CSMD1: variants seen among roughly 807,000 people sequenced by gnomAD.
CSMD1 encodes CUB and sushi domain-containing protein 1.
CSMD1 carries 213 observed loss-of-function variants against 417.5 expected under a neutral mutation model. The ratio of observed to expected loss-of-function variants is 0.51; its 90% confidence interval spans 0.46 to 0.57. CSMD1 has a LOEUF of 0.57. Among genes scored for constraint, CSMD1 ranks in the 20% least tolerant of loss-of-function variants. CSMD1 has a pLI of 0.00. For synonymous variants in CSMD1, 2,862 were observed against 1,736.8 expected (o/e 1.65, Z -16.11); for missense variants, 6,923 against 4,529.7 (o/e 1.53, Z -15.17).
At chr8:3,287,154 G>A (rs1222473149) in intron 25 of CSMD1, among the ~76,000 whole-genome samples, 1 of 150,286 alleles carries the variant, frequency 6.7e-6, no homozygotes, top group East Asian at 2.0e-4. Flanking sequence ...CATTATTTCT[G>A]AGGGCTCTGT....
intron 1 of CSMD1, among the ~76,000 whole-genome samples, chr8:4,877,597 C>T (rs1258780118): frequency 6.6e-6 from 1 of 152,062 alleles, no homozygotes; most frequent in Non-Finnish European, 1.5e-5. Context: ...AACCATTTCT[C>T]CCATCTCACT....
chr8:4,407,820 A>G (rs969499754), intron 3 of CSMD1, among the ~76,000 whole-genome samples: 1 of 152,232 alleles, frequency 6.6e-6, no homozygotes, highest in Non-Finnish European at 1.5e-5. Flanking sequence ...GAAGGTTTTG[A>G]ACAAGTGTGA....
intron 23 of CSMD1, among the ~76,000 whole-genome samples, chr8:3,314,371 T>G (rs916816106): frequency 2.0e-5 from 3 of 152,226 alleles, no homozygotes; most frequent in African/African-American, 7.2e-5. Context: ...TGATCAATTT[T>G]AAGCCTGCTG....
chr8:4,438,563 C>G (rs560193537), intron 2 of CSMD1, among the ~76,000 whole-genome samples: 4 of 152,144 alleles, frequency 2.6e-5, no homozygotes, highest in Non-Finnish European at 5.9e-5. Context: ...TCTAAGCTGA[C>G]GGGAGTGTGG....
At chr8:4,412,832 C>T (rs1435365442) in intron 3 of CSMD1, among the ~76,000 whole-genome samples, 4 of 152,000 alleles carry the variant, frequency 2.6e-5, no homozygotes, top group Non-Finnish European at 5.9e-5. Flanking sequence ...TATGTGAAAC[C>T]AAATTGTAAT....
chr8:4,028,512 A>G (rs1409883689), intron 4 of CSMD1, among the ~76,000 whole-genome samples: 1 of 152,190 alleles, frequency 6.6e-6, no homozygotes, highest in Non-Finnish European at 1.5e-5. Flanking sequence ...AAAAAGGAAA[A>G]AAAAATAGGC....
At chr8:4,676,637 G>A (rs1007066128) in intron 1 of CSMD1, among the ~76,000 whole-genome samples, 1 of 151,988 alleles carries the variant, frequency 6.6e-6, no homozygotes, top group African/African-American at 2.4e-5. Context: ...GCAGCAATCT[G>A]TTTTCCAAGT....
intron 1 of CSMD1, among the ~76,000 whole-genome samples, chr8:4,761,800 A>T (rs568275068): frequency 6.6e-6 from 1 of 152,188 alleles, no homozygotes; most frequent in South Asian, 2.1e-4. Flanking sequence ...TTGTGAATAA[A>T]CCTGGTAGTA....
intron 5 of CSMD1, among the ~76,000 whole-genome samples, chr8:3,830,560 C>A (rs930657047): frequency 1.3e-5 from 2 of 152,118 alleles, no homozygotes; most frequent in Non-Finnish European, 2.9e-5. Flanking sequence ...TGTAGAAACC[C>A]TCCAATAAGT....
chr8:3,824,243 A>G (rs1801914738), intron 5 of CSMD1, among the ~76,000 whole-genome samples: 1 of 150,792 alleles, frequency 6.6e-6, no homozygotes, highest in Non-Finnish European at 1.5e-5. Flanking sequence ...ATTCCAAAAA[A>G]ACAAAAACCA....
intron 3 of CSMD1, among the ~76,000 whole-genome samples, chr8:4,158,546 G>A (rs1000847667): frequency 6.6e-6 from 1 of 152,142 alleles, no homozygotes; most frequent in African/African-American, 2.4e-5. Context: ...ACAGCCGCTA[G>A]GTTGTGTCCT....
chr8:3,914,346 A>C (rs537701853), intron 5 of CSMD1, among the ~76,000 whole-genome samples: 3 of 151,990 alleles, frequency 2.0e-5, no homozygotes, highest in African/African-American at 7.2e-5. Context: ...GGGTATCAGG[A>C]TGTGTCCCAT....
At chr8:4,362,003 C>G (rs1027407704) in intron 3 of CSMD1, among the ~76,000 whole-genome samples, 1 of 151,596 alleles carries the variant, frequency 6.6e-6, no homozygotes, top group African/African-American at 2.4e-5. Flanking sequence ...GTTTCCTATC[C>G]TTAGATTAAG....
chr8:2,983,836 A>T (rs927413504), intron 54 of CSMD1, among the ~76,000 whole-genome samples: 2 of 152,194 alleles, frequency 1.3e-5, no homozygotes, highest in Middle Eastern at 3.2e-3. Context: ...CATGGAAATA[A>T]AGCTTAGTTT....
intron 1 of CSMD1, among the ~76,000 whole-genome samples, chr8:4,702,016 C>G (rs1807590484): frequency 6.6e-6 from 1 of 152,162 alleles, no homozygotes; most frequent in Non-Finnish European, 1.5e-5. Context: ...GAACAGAAAA[C>G]CAAACACCGC....
intron 51 of CSMD1, among the ~76,000 whole-genome samples, chr8:3,028,193 G>A (rs1046902221): frequency 2.6e-5 from 4 of 152,212 alleles, no homozygotes; most frequent in Non-Finnish European, 5.9e-5. Flanking sequence ...TCGACAAGAT[G>A]ATGTTGGCGG....
At chr8:4,430,376 T>G (rs539271973) in intron 2 of CSMD1, among the ~76,000 whole-genome samples, 26 of 152,314 alleles carry the variant, frequency 1.7e-4, no homozygotes, top group Non-Finnish European at 3.2e-4. Flanking sequence ...CTTATCAGTT[T>G]ATTCAAATAT....
Position 4,600,255 on chromosome 8 carries a change from T to C in CSMD1, c.302+37087A>G, listed in dbSNP as rs1364267493. On this transcript the variant is annotated intron_variant, in intron 2 of 69. Coordinates refer to ENST00000635120, the MANE Select transcript of CSMD1 (RefSeq NM_033225.6). Reference sequence around the variant, plus strand: ...ATACTCTACTCTCTCTCTCTCCCACTCTGACACTGGATTTGACTTCCAGGT... The same window carrying C: ...ATACTCTACTCTCTCTCTCTCCCACCCTGACACTGGATTTGACTTCCAGGT... 2.0e-5 allele frequency among the ~76,000 whole-genome samples: 3 copies of C among 152,072 alleles called. No individual in the cohort carries two copies. The East Asian group carries it at 5.8e-4, about 29-fold the overall frequency.
chr8:4,734,435 A>T (rs1420486648), intron 1 of CSMD1, among the ~76,000 whole-genome samples: 1 of 152,100 alleles, frequency 6.6e-6, no homozygotes, highest in Non-Finnish European at 1.5e-5. Flanking sequence ...AAAAGGTGAA[A>T]AGTTGAATAG....
Sources: gnomAD v4.1 joint callset for allele counts (sites outside exome capture counted in the v4.1 genomes callset) on GRCh38, gnomAD v4.1.1 for gene constraint, MANE v1.5 for transcripts, NCBI Gene and HGNC (gene_info 2026-07-23, HGNC 2026-07-21) for gene names.